DCUN1D5: variants seen among roughly 807,000 people sequenced by gnomAD.
DCUN1D5 encodes DCN1-like protein 5.
Under a neutral mutation model 38.3 loss-of-function variants are expected in DCUN1D5, and 10 were observed. That is an observed-to-expected ratio of 0.26 (90% CI 0.16 to 0.44). DCUN1D5 has a LOEUF of 0.44. Among genes scored for constraint, DCUN1D5 ranks in the 20% least tolerant of loss-of-function variants. The pLI is 1.00. For missense variants in DCUN1D5, 148 were observed against 275.3 expected (o/e 0.54, Z 3.27); for synonymous variants, 93 against 90.9 (o/e 1.02, Z -0.13).
rs745994620 is a variant in DCUN1D5, at chr11:103,050,744, G to C, written c.*11615C>G. 1 of 152,102 alleles carries C rather than the reference G, an allele frequency of 6.6e-6. No individual in the cohort carries two copies. The highest frequency in any genetic ancestry group is 1.5e-5 in the Non-Finnish European group (1 of 68,018). 9.4% of individuals were successfully genotyped at this position (152,102 alleles called of 1,614,324 possible). The stretch of plus-strand genomic sequence containing the variant: ...CATTTTCATTTATTCCATTTATTGA[G>C]TGCTTTTCTATACTGTGGATAGTTC... On this transcript the variant is annotated 3_prime_UTR_variant, in exon 8 of 8. Transcript: ENST00000260247.
At position 103,063,509 on chromosome 11, in the gene DCUN1D5, C is replaced by T. The variant is rs2134600905; in HGVS notation, c.658+766G>A. On this transcript the variant is annotated intron_variant, in intron 7 of 7. Coordinates refer to ENST00000260247, the MANE Select transcript of DCUN1D5 (RefSeq NM_032299.4). The surrounding 1 kb of genome is among the most constrained non-coding windows in gnomAD (Gnocchi z 4.6). ...TATGTGGGAAGAAATAAAGTTATCC[C>T]TTCTTCTGTTATTTTATTTTTTCAG... Among the ~76,000 whole-genome samples the T allele has an allele frequency of 6.6e-6, 1 of 152,124 alleles. No homozygotes were observed. Among genetic ancestry groups the T allele is most frequent in the South Asian group, 2.1e-4 (1 of 4,820 alleles).
chr11:103,076,620 G>A (rs567295666), intron 4 of DCUN1D5, among the ~76,000 whole-genome samples: 9 of 152,256 alleles, frequency 5.9e-5, no homozygotes, highest in East Asian at 3.9e-4. Context: ...TTAAAACGAC[G>A]ATAATAATTT....
rs773672006 is a variant in DCUN1D5, at chr11:103,091,905, G to C, written c.-33C>G. 4 of 1,594,188 alleles carry C rather than the reference G, an allele frequency of 2.5e-6. No individual in the cohort carries two copies. Among genetic ancestry groups the C allele is most frequent in the Non-Finnish European group, 3.4e-6 (4 of 1,168,094 alleles). Reference sequence around the variant, plus strand: ...CCTCCCCGGCAGGGTGGGCAGGGGAGCCGGGGAAGGGGGTCCCTGTCCGCT... The same window carrying C: ...CCTCCCCGGCAGGGTGGGCAGGGGACCCGGGGAAGGGGGTCCCTGTCCGCT... On this transcript the variant is annotated 5_prime_UTR_variant, in exon 1 of 8. Transcript: ENST00000260247. This position sits in a 1 kb window ranked among gnomAD's most constrained non-coding sequence, Gnocchi z 4.3.
chr11:103,077,195 G>A lies in DCUN1D5; in HGVS notation c.341+5553C>T, dbSNP rs1022510430. ...AGCCTGGGAGACTGAGCAAGACGCCGTCTCAAATAAAAAAAAAAGAATAAG... is the reference window on the plus strand; with the variant it reads ...AGCCTGGGAGACTGAGCAAGACGCCATCTCAAATAAAAAAAAAAGAATAAG... On this transcript the variant is annotated intron_variant, in intron 4 of 7. Coordinates refer to ENST00000260247, the MANE Select transcript of DCUN1D5 (RefSeq NM_032299.4). This position sits in a 1 kb window ranked among gnomAD's most constrained non-coding sequence, Gnocchi z 4.3. Among the ~76,000 whole-genome samples, 1 of 151,690 alleles carries A rather than the reference G, an allele frequency of 6.6e-6. No individual in the cohort carries two copies. The highest frequency in any genetic ancestry group is 1.5e-5 in the Non-Finnish European group (1 of 67,938).
chr11:103,066,058 G>T lies in DCUN1D5; in HGVS notation c.555+211C>A, dbSNP rs1307514448. On this transcript the variant is annotated intron_variant, in intron 6 of 7. Coordinates refer to ENST00000260247, the MANE Select transcript of DCUN1D5 (RefSeq NM_032299.4). The surrounding 1 kb of genome is among the most constrained non-coding windows in gnomAD (Gnocchi z 4.7). ...GAGGTTTCTTTTATTTGGGGGACTGGGGGGGTAGGATTGAAAATATCTTAG... is the reference window on the plus strand; with the variant it reads ...GAGGTTTCTTTTATTTGGGGGACTGTGGGGGTAGGATTGAAAATATCTTAG... Among the ~76,000 whole-genome samples the T allele has an allele frequency of 6.6e-6, 1 of 151,350 alleles. No individual in the cohort carries two copies. Among genetic ancestry groups the T allele is most frequent in the South Asian group, 2.1e-4 (1 of 4,770 alleles).
chr11:103,050,830 A>G lies in DCUN1D5; in HGVS notation c.*11529T>C, dbSNP rs1861707809. The G allele has an allele frequency of 6.6e-6, 1 of 152,250 alleles. No individual in the cohort carries two copies. The highest frequency in any genetic ancestry group is 2.4e-5 in the African/African-American group (1 of 41,466). 9.4% of individuals were successfully genotyped at this position (152,250 alleles called of 1,614,324 possible). A position where few individuals can be genotyped will look rare whatever the true frequency, so the allele number is the denominator to read the frequency against. On this transcript the variant is annotated 3_prime_UTR_variant, in exon 8 of 8. Coordinates refer to ENST00000260247, the MANE Select transcript of DCUN1D5 (RefSeq NM_032299.4). ...CCCTGCTCTCAAGGAGCTCACAGTT[A>G]AGAAAACAGATATGTAAGTATGCTA...
Position 103,062,392 on chromosome 11 carries a change from A to G in DCUN1D5, c.681T>C (p.Phe227=), listed in dbSNP as rs1862035026. ...DGAWPVLLDE[F]VEWQKVRQTS ...TCTGACGGACTTTTTGCCACTCAAC[A>G]AATTCATCAAGAAGAACAGGCCCTA... Residue 227 remains phenylalanine (F), a synonymous_variant, in exon 8 of 8, where the codon TTT becomes TTC. Coordinates refer to ENST00000260247, the MANE Select transcript of DCUN1D5 (RefSeq NM_032299.4). The surrounding 1 kb of genome is among the most constrained non-coding windows in gnomAD (Gnocchi z 4.6). 6.2e-7 allele frequency: 1 copy of G among 1,613,360 alleles called. No individual in the cohort carries two copies.
rs769214950 is a variant in DCUN1D5 at position 103,060,547 on chromosome 11, C to T, written c.*1812G>A. Reference sequence around the variant, plus strand: ...AAGTATGCACAGATTTGGGTATACACAAGGGTCCTGGTATCAATCTCCTGC... The same window carrying T: ...AAGTATGCACAGATTTGGGTATACATAAGGGTCCTGGTATCAATCTCCTGC... On this transcript the variant is annotated 3_prime_UTR_variant, in exon 8 of 8. Transcript: ENST00000260247. 6.6e-6 allele frequency among the ~76,000 whole-genome samples: 1 copy of T among 152,090 alleles called. No homozygotes were observed. Among genetic ancestry groups the T allele is most frequent in the Non-Finnish European group, 1.5e-5 (1 of 68,018 alleles).
Position 103,061,528 on chromosome 11 carries a change from T to TA in DCUN1D5, c.*830dup, listed in dbSNP as rs1181604697. On this transcript the variant is annotated 3_prime_UTR_variant, in exon 8 of 8. Coordinates refer to ENST00000260247, the MANE Select transcript of DCUN1D5 (RefSeq NM_032299.4). ...TACCCAGAGTTCTCTCATGATTCCT[T>TA]ATTCTATTGTCTTCTTTTCCTATGT... Among the ~76,000 whole-genome samples, 1 of 151,816 alleles carries TA rather than the reference T, an allele frequency of 6.6e-6. No individual in the cohort carries two copies. Among genetic ancestry groups the TA allele is most frequent in the Admixed American group, 6.6e-5 (1 of 15,224 alleles).
Position 103,066,332 on chromosome 11 carries a change from A to G in DCUN1D5, c.492T>C (p.Ser164=). ...QRSLDIDTAK[S]MLALLLGRTW... ...TCCTCCCAAGCAGAAGAGCTAACATAGATTTAGCAGTATCAATATCAAGGC... is the reference window on the plus strand; with the variant it reads ...TCCTCCCAAGCAGAAGAGCTAACATGGATTTAGCAGTATCAATATCAAGGC... The change falls in exon 6 of 8, where the codon TCT becomes TCC. Residue 164 remains serine, a synonymous_variant. Transcript: ENST00000260247. The surrounding 1 kb of genome is among the most constrained non-coding windows in gnomAD (Gnocchi z 4.7). 6.2e-7 allele frequency: 1 copy of G among 1,611,798 alleles called. No homozygotes were observed. Among genetic ancestry groups the G allele is most frequent in the South Asian group, 1.1e-5 (1 of 90,438 alleles).
Position 103,060,887 on chromosome 11 carries a change from C to T in DCUN1D5, c.*1472G>A, listed in dbSNP as rs1861994822. ...TTCATAATATTAAATCCTAACACCACTGGTATGCTCAGTTCATAACTCAGT... is the reference window on the plus strand; with the variant it reads ...TTCATAATATTAAATCCTAACACCATTGGTATGCTCAGTTCATAACTCAGT... On this transcript the variant is annotated 3_prime_UTR_variant, in exon 8 of 8. Transcript: ENST00000260247. Among the ~76,000 whole-genome samples, 1 of 152,068 alleles carries T rather than the reference C, an allele frequency of 6.6e-6. No homozygotes were observed. Among genetic ancestry groups the T allele is most frequent in the Admixed American group, 6.6e-5 (1 of 15,256 alleles).
chr11:103,081,987 G>A (rs1194008246), intron 4 of DCUN1D5, among the ~76,000 whole-genome samples: 1 of 151,936 alleles, frequency 6.6e-6, no homozygotes. Flanking sequence ...CCCAGTTTTT[G>A]CCTCAAAAAT....
chr11:103,080,129 G>C (rs1186879503), intron 4 of DCUN1D5: 1 of 152,114 alleles, frequency 6.6e-6, no homozygotes, highest in Non-Finnish European at 1.5e-5. Context: ...TAAACTACCA[G>C]ACTGTTTCTA....
At position 103,089,256 on chromosome 11, in the gene DCUN1D5, T is replaced by G. The variant is rs768382593; in HGVS notation, c.149A>C (p.Lys50Thr). Residue 50 changes from lysine (K) to threonine (T), a missense_variant, in exon 2 of 8, where the codon AAG becomes ACG. Transcript: ENST00000260247. ...ATATTCATAAAACCAAGCCAGGCAC[T>G]TCTTGCTTGAAAAATGTTCCTCTCC... ...ISGEEHFSSK[K>T]CLAWFYEYAG... 2 of 1,613,718 alleles carry G rather than the reference T, an allele frequency of 1.2e-6. No homozygotes were observed. The highest frequency in any genetic ancestry group is 2.2e-5 in the South Asian group (2 of 91,076).
intron 4 of DCUN1D5, among the ~76,000 whole-genome samples, chr11:103,072,816 G>A (rs1387785575): frequency 2.6e-5 from 4 of 152,128 alleles, no homozygotes; most frequent in South Asian, 2.1e-4. Context: ...CATAAACGAC[G>A]AGCTAACGGG....
In DCUN1D5 at chr11:103,071,218, T is replaced by C. The variant is rs1862263682; in HGVS notation, c.342-4651A>G. Among the ~76,000 whole-genome samples the C allele has an allele frequency of 6.6e-6, 1 of 151,842 alleles. No homozygotes were observed. The highest frequency in any genetic ancestry group is 2.4e-5 in the African/African-American group (1 of 41,380). On this transcript the variant is annotated intron_variant, in intron 4 of 7. Coordinates refer to ENST00000260247, the MANE Select transcript of DCUN1D5 (RefSeq NM_032299.4). This position sits in a 1 kb window ranked among gnomAD's most constrained non-coding sequence, Gnocchi z 4.1. ...TAAATAAGAGCAGAAACTGCTGAAA[T>C]TGAAAACAGAAAAATCAATGCAACA...
At position 103,086,228 on chromosome 11, in the gene DCUN1D5, CG is replaced by C. The variant is rs2134635426; in HGVS notation, c.179-2903del. Among the ~76,000 whole-genome samples the C allele has an allele frequency of 6.6e-6, 1 of 152,060 alleles. No homozygotes were observed. Among genetic ancestry groups the C allele is most frequent in the East Asian group, 1.9e-4 (1 of 5,178 alleles). On this transcript the variant is annotated intron_variant, in intron 2 of 7. Transcript: ENST00000260247. This position sits in a 1 kb window ranked among gnomAD's most constrained non-coding sequence, Gnocchi z 4.1. ...GACACAGCACCTTCAACATGAGCTA[CG>C]TAAGAGTCATTAATTTTGGAACACT... is the stretch of plus-strand genomic sequence containing the variant.
chr11:103,055,271 G>T lies in DCUN1D5; in HGVS notation c.*7088C>A, dbSNP rs970815321. On this transcript the variant is annotated 3_prime_UTR_variant, in exon 8 of 8. Coordinates refer to ENST00000260247, the MANE Select transcript of DCUN1D5 (RefSeq NM_032299.4). ...GGATTTTGAAGCATTTTGAATTTCA[G>T]ATTTTCAAGTTAAGGATGTTCAACC... 5 of 152,016 alleles carry T rather than the reference G, an allele frequency of 3.3e-5. No individual in the cohort carries two copies. Among genetic ancestry groups the T allele is most frequent in the African/African-American group, 1.2e-4 (5 of 41,378 alleles). 9.4% of individuals were successfully genotyped at this position (152,016 alleles called of 1,614,324 possible).
Position 103,091,900 on chromosome 11 carries a change from G to C in DCUN1D5, c.-28C>G. On this transcript the variant is annotated 5_prime_UTR_variant, in exon 1 of 8. Transcript: ENST00000260247. The surrounding 1 kb of genome is among the most constrained non-coding windows in gnomAD (Gnocchi z 4.3). ...TCCGCCCTCCCCGGCAGGGTGGGCA[G>C]GGGAGCCGGGGAAGGGGGTCCCTGT... The C allele has an allele frequency of 6.2e-7, 1 of 1,600,792 alleles. No homozygotes were observed. Among genetic ancestry groups the C allele is most frequent in the Non-Finnish European group, 8.5e-7 (1 of 1,172,814 alleles).
Sources: gnomAD v4.1 joint callset for allele counts (sites outside exome capture counted in the v4.1 genomes callset) on GRCh38, gnomAD v4.1.1 for gene constraint, Gnocchi (gnomAD v3.1) non-coding constraint, MANE v1.5 for transcripts, NCBI Gene and HGNC (gene_info 2026-07-23, HGNC 2026-07-21) for gene names.